RNF216: variants seen among roughly 807,000 people sequenced by gnomAD.
RNF216 encodes ring finger protein 216.
A neutral mutation model predicts 110.8 loss-of-function variants in RNF216; 72 were observed. The ratio of observed to expected loss-of-function variants is 0.65; its 90% CI spans 0.54 to 0.79. RNF216 has a LOEUF of 0.79. Ranked by LOEUF, RNF216 falls within the 30% of genes least tolerant of loss-of-function variation. The pLI, the probability that RNF216 is intolerant of heterozygous loss-of-function variation, is 0.00. For missense variants in RNF216, 1,342 were observed against 1,141.2 expected, an observed-to-expected ratio of 1.18 and a Z score of -2.54; for synonymous variants, 495 against 407.5, an observed-to-expected ratio of 1.21 and a Z score of -2.59.
intron 15 of RNF216, among the ~76,000 whole-genome samples, chr7:5,636,982 GCTGAGAATAGGCCAGA>G: frequency 6.6e-6 from 1 of 152,164 alleles, no homozygotes; most frequent in Admixed American, 6.5e-5. Flanking sequence ...AGAAAAAAGT[GCTGAGAATAGGCCAGA>G]CTGTTAACAC....
At chr7:5,717,330 G>A (rs1259104256) in intron 9 of RNF216, among the ~76,000 whole-genome samples, 1 of 152,138 alleles carries the variant, frequency 6.6e-6, no homozygotes, top group Non-Finnish European at 1.5e-5. Context: ...TCTAGCCCGG[G>A]CAACAAGAGT....
At chr7:5,671,805 CA>C (rs11319565) in intron 13 of RNF216, among the ~76,000 whole-genome samples, 17,972 of 54,506 alleles carry the variant, frequency 0.33, 885 homozygotes, top group East Asian at 0.56. Context: ...AACTCCGTCT[CA>C]AAAAAAAAAA....
At chr7:5,676,124 C>T (rs922452781) in intron 13 of RNF216, among the ~76,000 whole-genome samples, 1 of 151,916 alleles carries the variant, frequency 6.6e-6, no homozygotes, top group East Asian at 1.9e-4. Flanking sequence ...TGATTCTCGT[C>T]TCAGCCTTCC....
At chr7:5,735,017 G>A (rs1318337040) in intron 5 of RNF216, among the ~76,000 whole-genome samples, 2 of 151,146 alleles carry the variant, frequency 1.3e-5, no homozygotes, top group Admixed American at 6.6e-5. Context: ...TGGGCGGTGG[G>A]CACCTGTAAT....
chr7:5,719,142 C>A (rs568542940), intron 9 of RNF216, among the ~76,000 whole-genome samples: 4 of 152,098 alleles, frequency 2.6e-5, no homozygotes, highest in Non-Finnish European at 5.9e-5. Context: ...ACAATTTGGG[C>A]GGCTGAGTTG....
chr7:5,647,078 C>T (rs190548257), intron 14 of RNF216, among the ~76,000 whole-genome samples: 20 of 152,016 alleles, frequency 1.3e-4, no homozygotes, highest in Admixed American at 1.2e-3. Flanking sequence ...CAACACAATC[C>T]ACTGGGAGGC....
chr7:5,728,151 C>T (rs565970214), intron 7 of RNF216, among the ~76,000 whole-genome samples: 1 of 152,170 alleles, frequency 6.6e-6, no homozygotes, highest in African/African-American at 2.4e-5. Flanking sequence ...ACATCTTCCA[C>T]GACCCCTTTC....
chr7:5,744,328 T>C (rs1186122674), intron 3 of RNF216, among the ~76,000 whole-genome samples: 1 of 152,178 alleles, frequency 6.6e-6, no homozygotes, highest in Non-Finnish European at 1.5e-5. Context: ...AGAATAGCCA[T>C]AGTAAGGCAT....
chr7:5,721,929 A>G (rs1388002846), intron 8 of RNF216, among the ~76,000 whole-genome samples: 1 of 152,006 alleles, frequency 6.6e-6, no homozygotes, highest in East Asian at 1.9e-4. Flanking sequence ...GCAATTTATG[A>G]TTTTCTTTTT....
intron 2 of RNF216, among the ~76,000 whole-genome samples, chr7:5,756,828 A>T (rs1329644101): frequency 6.6e-6 from 1 of 152,062 alleles, no homozygotes. Flanking sequence ...AGACATGAGA[A>T]TCTCACCATG....
rs1334794343 is a variant in RNF216, at chr7:5,631,724, GGGAA to G, written c.2383-7603_2383-7600del. ...TATACATATTGATTAAAACAATCTTGGGAAACATTGAACAAAACAACACAGCTAA... is the reference window on the plus strand; with the variant it reads ...TATACATATTGATTAAAACAATCTTGACATTGAACAAAACAACACAGCTAA... On this transcript the variant is annotated intron_variant, in intron 15 of 16. Transcript: ENST00000389902. 3.3e-5 allele frequency among the ~76,000 whole-genome samples: 5 copies of G among 152,050 alleles called. No homozygotes were observed. In the South Asian group the frequency reaches 8.3e-4, roughly 25 times the overall value.
chr7:5,712,741 C>A lies in RNF216; in HGVS notation c.1956G>T (p.Ala652=), dbSNP rs141187642. 1 of 1,613,958 alleles carries A rather than the reference C, an allele frequency of 6.2e-7. No homozygotes were observed. The highest frequency in any genetic ancestry group is 1.3e-5 in the African/African-American group (1 of 74,898). ...YYERKAEEEV[A]AAYADELVRC... is the part of the protein sequence containing the mutation. ...TGACAAGCTCGTCGGCGTAGGCTGCCGCAACCTCCTCCTCGGCTTTTCGCT... is the reference window on the plus strand; with the variant it reads ...TGACAAGCTCGTCGGCGTAGGCTGCAGCAACCTCCTCCTCGGCTTTTCGCT... Residue 652 remains alanine (A), a synonymous_variant, in exon 12 of 17, where the codon GCG becomes GCT. Coordinates refer to ENST00000389902, the MANE Select transcript of RNF216 (RefSeq NM_207111.4).
chr7:5,665,375 GTTC>G (rs1789439876), intron 13 of RNF216, among the ~76,000 whole-genome samples: 1 of 152,104 alleles, frequency 6.6e-6, no homozygotes, highest in East Asian at 1.9e-4. Flanking sequence ...ATTTCATGTT[GTTC>G]TTAAATATTT....
chr7:5,770,784 C>T (rs1182377367), intron 1 of RNF216, among the ~76,000 whole-genome samples: 1 of 151,488 alleles, frequency 6.6e-6, no homozygotes, highest in African/African-American at 2.4e-5. Flanking sequence ...ACCAATGGAA[C>T]AGAGTGCAGA....
intron 1 of RNF216, among the ~76,000 whole-genome samples, chr7:5,780,912 G>C (rs1230830407): frequency 2.0e-5 from 3 of 152,166 alleles, no homozygotes; most frequent in Admixed American, 2.0e-4. Flanking sequence ...CTGTTCCACC[G>C]GGAGCAGAAC....
chr7:5,707,800 C>T (rs545246503), intron 13 of RNF216, among the ~76,000 whole-genome samples: 183 of 150,646 alleles, frequency 1.2e-3, no homozygotes, highest in Non-Finnish European at 1.5e-3. Context: ...CTCTGCTCAC[C>T]GCAACCTCCA....
chr7:5,635,212 G>A (rs1787325389), intron 15 of RNF216, among the ~76,000 whole-genome samples: 1 of 151,910 alleles, frequency 6.6e-6, no homozygotes, highest in South Asian at 2.1e-4. Flanking sequence ...TTGGCTGTGT[G>A]GCTATTAAGA....
intron 3 of RNF216, among the ~76,000 whole-genome samples, chr7:5,742,793 G>C (rs1794836401): frequency 6.6e-6 from 1 of 151,712 alleles, no homozygotes; most frequent in Non-Finnish European, 1.5e-5. Context: ...ACAGGGTTTT[G>C]CCATGTTGGC....
chr7:5,717,589 C>T, intron 9 of RNF216, among the ~76,000 whole-genome samples: 1 of 152,080 alleles, frequency 6.6e-6, no homozygotes, highest in East Asian at 1.9e-4. Flanking sequence ...TTTATAATAG[C>T]AAAAACCTGG....
Sources: gnomAD v4.1 joint callset for allele counts (sites outside exome capture counted in the v4.1 genomes callset) on GRCh38, gnomAD v4.1.1 for gene constraint, MANE v1.5 for transcripts, NCBI Gene and HGNC (gene_info 2026-07-23, HGNC 2026-07-21) for gene names.